The following DMD variants were observed in gnomAD, a reference collection of about 807,000 sequenced individuals.
The protein encoded by DMD is mutant dystrophin.
A neutral mutation model predicts 330.1 loss-of-function variants in DMD; 63 were observed. The observed-to-expected ratio is 0.19, with a 90% CI of 0.16 to 0.24. DMD has a LOEUF of 0.24. DMD is among the 10% of genes least tolerant of loss of function. The pLI is 1.00. For missense variants in DMD, 3,344 were observed against 2,684.1 expected, an observed-to-expected ratio of 1.25 and a Z score of -5.43; for synonymous variants, 1,223 against 959.8, an observed-to-expected ratio of 1.27 and a Z score of -5.07.
chrX:31,386,900 C>T (rs902676765), intron 60 of DMD, among the ~76,000 whole-genome samples: 3 of 111,405 alleles, frequency 2.7e-5, no homozygotes, highest in Admixed American at 9.6e-5. Context: ...GGCATTTCCT[C>T]GGTCAGATCT....
chrX:32,736,246 C>A (rs1270688372), intron 7 of DMD, among the ~76,000 whole-genome samples: 2 of 111,262 alleles, frequency 1.8e-5, no homozygotes, highest in African/African-American at 6.6e-5. Flanking sequence ...GAATGGCGAT[C>A]ATTAAAAAGT....
At chrX:32,815,191 A>C (rs147069255) in intron 6 of DMD, among the ~76,000 whole-genome samples, 1,841 of 109,959 alleles carry the variant, frequency 0.017, 48 homozygotes, top group African/African-American at 0.057. Flanking sequence ...AAGACACCTG[A>C]CAAAGATGCT....
intron 18 of DMD, among the ~76,000 whole-genome samples, chrX:32,510,443 A>G (rs974672256): frequency 9.0e-6 from 1 of 111,410 alleles, no homozygotes; most frequent in African/African-American, 3.3e-5. Flanking sequence ...GGAACTTATC[A>G]CTAACATTCC....
At chrX:31,852,896 A>T (rs1000217655) in intron 48 of DMD, among the ~76,000 whole-genome samples, 22 of 112,473 alleles carry the variant, frequency 2.0e-4, no homozygotes, top group South Asian at 3.7e-4. Flanking sequence ...TTATTTATTT[A>T]CTATTTTGAC....
At chrX:33,016,948 C>G (rs2093815731) in intron 2 of DMD, among the ~76,000 whole-genome samples, 1 of 111,610 alleles carries the variant, frequency 9.0e-6, no homozygotes, top group Non-Finnish European at 1.9e-5. Flanking sequence ...TATAACATAT[C>G]AATAAATTAC....
At position 32,343,298 on chromosome X, in the gene DMD, G is replaced by A; in HGVS notation, c.5587-12C>T. On this transcript the variant is annotated splice_polypyrimidine_tract_variant and intron_variant, in intron 39 of 78. Transcript: ENST00000357033. ...TGAGACCTCAAATCCTGTTCATGGT[G>A]CAGACATTATTAAAATATCAATATA... 1.7e-6 allele frequency: 2 copies of A among 1,192,081 alleles called. No individual in the cohort carries two copies. The highest frequency in any genetic ancestry group is 3.6e-5 in the South Asian group (2 of 55,791).
At chrX:33,211,930 C>A (rs896338072), upstream of DMD, among the ~76,000 whole-genome samples, 1 of 112,258 alleles carries the variant, frequency 8.9e-6, no homozygotes, top group African/African-American at 3.2e-5. Context: ...AAATTTCACT[C>A]TACCAAATAA....
In DMD at chrX:32,526,123, C is replaced by T. The variant is rs149967615; in HGVS notation, c.2169-7992G>A. Among the ~76,000 whole-genome samples, 399 of 111,606 alleles carry T rather than the reference C, an allele frequency of 3.6e-3. 1 individual carries two copies. Among genetic ancestry groups the T allele is most frequent in the African/African-American group, 0.012 (381 of 30,747 alleles). Reference sequence around the variant, plus strand: ...CTCATATACTTAACTCTGTACTTAACGTACTTCCGAATGTTATCAGACTCT... The same window carrying T: ...CTCATATACTTAACTCTGTACTTAATGTACTTCCGAATGTTATCAGACTCT... On this transcript the variant is annotated intron_variant, in intron 17 of 78. Coordinates refer to ENST00000357033, the MANE Select transcript of DMD (RefSeq NM_004006.3).
At chrX:32,737,304 A>G (rs1195081771) in intron 7 of DMD, among the ~76,000 whole-genome samples, 2 of 111,536 alleles carry the variant, frequency 1.8e-5, no homozygotes, top group African/African-American at 6.5e-5. Flanking sequence ...TACCTTGAAC[A>G]CAAAGTAATG....
intron 1 of DMD, among the ~76,000 whole-genome samples, chrX:33,291,595 TATAA>T (rs1279561121): frequency 2.7e-5 from 3 of 111,437 alleles, no homozygotes; most frequent in Non-Finnish European, 3.8e-5. Context: ...AAAAGCTACA[TATAA>T]ATAAAAAGAG....
chrX:31,394,719 G>A (rs919951638), intron 60 of DMD, among the ~76,000 whole-genome samples: 7 of 111,213 alleles, frequency 6.3e-5, no homozygotes, highest in African/African-American at 1.6e-4. Flanking sequence ...GCTTGAACCC[G>A]GGAGCCAGAG....
intron 15 of DMD, among the ~76,000 whole-genome samples, chrX:32,569,498 C>G (rs950409939): frequency 8.9e-6 from 1 of 111,935 alleles, no homozygotes; most frequent in East Asian, 2.8e-4. Context: ...CTAGGCTCCA[C>G]TTCCAGAGTT....
chrX:31,542,842 T>C (rs1427292809), intron 55 of DMD, among the ~76,000 whole-genome samples: 1 of 113,013 alleles, frequency 8.8e-6, no homozygotes, highest in Non-Finnish European at 1.9e-5. Context: ...TGAGCAGTGC[T>C]GCGGGGCCAC....
chrX:32,490,580 G>T (rs1208634671), intron 20 of DMD, among the ~76,000 whole-genome samples: 1 of 110,964 alleles, frequency 9.0e-6, no homozygotes, highest in Admixed American at 9.6e-5. Flanking sequence ...AGTGAAGTGG[G>T]GTGTTTATTT....
intron 51 of DMD, among the ~76,000 whole-genome samples, chrX:31,762,201 T>C (rs1295042509): frequency 8.9e-6 from 1 of 112,023 alleles, no homozygotes; most frequent in African/African-American, 3.2e-5. Flanking sequence ...TGCTTTTACT[T>C]TCCCCATTTT....
At chrX:31,997,768 G>A (rs192765620) in intron 44 of DMD, among the ~76,000 whole-genome samples, 11 of 110,650 alleles carry the variant, frequency 9.9e-5, no homozygotes, top group South Asian at 3.8e-4. Context: ...AAAAGCAGTC[G>A]CCTTAAGCAC....
chrX:31,778,925 G>A (rs779066966), intron 50 of DMD, among the ~76,000 whole-genome samples: 9 of 111,505 alleles, frequency 8.1e-5, no homozygotes, highest in Middle Eastern at 4.7e-3. Flanking sequence ...TTTCAGATGC[G>A]TTTACCTTTA....
intron 47 of DMD, among the ~76,000 whole-genome samples, chrX:31,893,895 C>G (rs1050316758): frequency 9.0e-6 from 1 of 111,344 alleles, no homozygotes; most frequent in Non-Finnish European, 1.9e-5. Context: ...CAGATTAATT[C>G]TGAGGTCCCT....
chrX:32,528,224 G>C (rs1344331589), intron 17 of DMD, among the ~76,000 whole-genome samples: 3 of 110,808 alleles, frequency 2.7e-5, no homozygotes, highest in Non-Finnish European at 5.7e-5. Context: ...CAGGAGAATT[G>C]CTTGAACCAG....
Sources: allele counts gnomAD v4.1 joint callset (sites outside exome capture counted in the v4.1 genomes callset), GRCh38; gene constraint gnomAD v4.1.1; transcripts MANE v1.5; gene names NCBI Gene and HGNC (gene_info 2026-07-23, HGNC 2026-07-21).